The following PCDH15 variants were observed in gnomAD, a reference collection of about 807,000 sequenced individuals.
PCDH15 encodes the protein protocadherin related 15, also known as protocadherin-15.
PCDH15 carries 129 observed loss-of-function variants against 178.5 expected under a neutral mutation model. The observed-to-expected ratio is 0.72, with a 90% confidence interval of 0.63 to 0.84. The LOEUF (loss-of-function observed/expected upper bound fraction) is 0.84, where lower values mean the gene tolerates loss of function less well. Among genes scored for constraint, PCDH15 ranks in the 40% least tolerant of loss-of-function variants. The pLI is 0.00. For synonymous variants in PCDH15, 800 were observed against 732.0 expected, an observed-to-expected ratio of 1.09 and a Z score of -1.50; for missense variants, 2,230 against 2,099.9, an observed-to-expected ratio of 1.06 and a Z score of -1.21.
At chr10:53,953,014 T>C (rs1390403336) in intron 23 of PCDH15, among the ~76,000 whole-genome samples, 1 of 152,182 alleles carries the variant, frequency 6.6e-6, no homozygotes, top group East Asian at 1.9e-4. Flanking sequence ...AGCTGGGTGA[T>C]TGCACCTGCA....
chr10:54,480,760 G>C (rs577056575), intron 3 of PCDH15, among the ~76,000 whole-genome samples: 2 of 151,962 alleles, frequency 1.3e-5, no homozygotes, highest in Non-Finnish European at 2.9e-5. Flanking sequence ...TCTGGGGCAA[G>C]TGATTGTCAA....
At chr10:54,392,898 C>CA (rs35154394) in intron 3 of PCDH15, among the ~76,000 whole-genome samples, 1,763 of 71,986 alleles carry the variant, frequency 0.024, 19 homozygotes, top group Non-Finnish European at 0.038. Context: ...GACTCAGGCT[C>CA]AAAAAAAAAA....
At chr10:53,869,014 C>T (rs1489091203) in intron 26 of PCDH15, among the ~76,000 whole-genome samples, 1 of 152,012 alleles carries the variant, frequency 6.6e-6, no homozygotes, top group Admixed American at 6.6e-5. Context: ...CGCTATGTTG[C>T]CTGGGCTGGT....
At chr10:54,566,589 C>A (rs1930175) in intron 2 of PCDH15, among the ~76,000 whole-genome samples, 142,357 of 152,174 alleles carry the variant, frequency 0.94, 66,991 homozygotes, top group South Asian at 0.99. Context: ...GAAATCATAG[C>A]GTATACAGCC....
chr10:54,512,640 T>A (rs932711641), intron 3 of PCDH15, among the ~76,000 whole-genome samples: 1 of 151,876 alleles, frequency 6.6e-6, no homozygotes, highest in Admixed American at 6.6e-5. Context: ...TGATGTTTGT[T>A]AAATCATTTG....
At chr10:53,895,322 A>G (rs535073841) in intron 26 of PCDH15, among the ~76,000 whole-genome samples, 1 of 152,184 alleles carries the variant, frequency 6.6e-6, no homozygotes, top group East Asian at 1.9e-4. Context: ...TCTCATCACC[A>G]GTTTGTGCTT....
chr10:54,870,800 A>C (rs1954024135), intron 3 of PCDH15, among the ~76,000 whole-genome samples: 1 of 9,562 alleles, frequency 1.0e-4, no homozygotes, highest in African/African-American at 1.2e-4. Context: ...AAATAAAAAA[A>C]TAAAAAAATA....
At chr10:54,532,212 G>T (rs993572433) in intron 2 of PCDH15, among the ~76,000 whole-genome samples, 5 of 152,066 alleles carry the variant, frequency 3.3e-5, no homozygotes, top group African/African-American at 4.8e-5. Context: ...ATTTTTAAAA[G>T]AATTTACCAT....
chr10:54,263,127 C>G (rs533513064), intron 8 of PCDH15, among the ~76,000 whole-genome samples: 2 of 152,130 alleles, frequency 1.3e-5, no homozygotes, highest in African/African-American at 4.8e-5. Flanking sequence ...CAACTCATAC[C>G]TAAGTTGTGT....
intron 37 of PCDH15, chr10:53,808,124 AAT>A (rs2075724342): frequency 6.6e-6 from 1 of 152,156 alleles, no homozygotes; most frequent in African/African-American, 2.4e-5. Flanking sequence ...TTAATTGAAA[AAT>A]GTTATTTCAT....
Position 54,138,330 on chromosome 10 carries a change from G to A in PCDH15, c.1785-5323C>T, listed in dbSNP as rs535105994. ...TCCTCTCAATTTGAGAAATTCCTAAGGAATTTTTCTTTGTGGGTTGGTCAA... is the reference window on the plus strand; with the variant it reads ...TCCTCTCAATTTGAGAAATTCCTAAAGAATTTTTCTTTGTGGGTTGGTCAA... On this transcript the variant is annotated intron_variant, in intron 14 of 37. Coordinates refer to ENST00000644397, the MANE Select transcript of PCDH15 (RefSeq NM_001384140.1). Among the ~76,000 whole-genome samples the A allele has an allele frequency of 1.3e-3, 199 of 152,082 alleles. 1 individual carries two copies. The highest frequency in any genetic ancestry group is 2.1e-3 in the Non-Finnish European group (141 of 67,992).
At chr10:54,293,024 AAAG>A (rs2059520564) in intron 8 of PCDH15, among the ~76,000 whole-genome samples, 1 of 152,222 alleles carries the variant, frequency 6.6e-6, no homozygotes, top group South Asian at 2.1e-4. Context: ...CCTAAGCAAA[AAAG>A]AACAAAGCTG....
At chr10:53,974,093 C>T (rs2089989852) in intron 21 of PCDH15, among the ~76,000 whole-genome samples, 1 of 152,190 alleles carries the variant, frequency 6.6e-6, no homozygotes, top group Non-Finnish European at 1.5e-5. Context: ...TCTTGGCTCA[C>T]TGCAACCTCC....
chr10:54,697,758 C>A (rs186719732), intron 1 of PCDH15, among the ~76,000 whole-genome samples: 2 of 141,768 alleles, frequency 1.4e-5, no homozygotes, highest in African/African-American at 2.7e-5. Flanking sequence ...CAAGGAAGGC[C>A]GGCAGGAAGG....
intron 2 of PCDH15, among the ~76,000 whole-genome samples, chr10:54,932,577 C>T (rs1020584247): frequency 2.6e-5 from 4 of 152,084 alleles, no homozygotes; most frequent in African/African-American, 4.8e-5. Context: ...TGGTTTGAGA[C>T]GGAGTCTCAT....
chr10:55,430,150 G>C (rs61851132), intron 2 of PCDH15, among the ~76,000 whole-genome samples: 26,737 of 151,980 alleles, frequency 0.18, 2,414 homozygotes, highest in Middle Eastern at 0.2. Flanking sequence ...AGTTAGCCAG[G>C]CATGGTGGCA....
chr10:54,566,474 C>T (rs2089051523), intron 2 of PCDH15, among the ~76,000 whole-genome samples: 1 of 152,088 alleles, frequency 6.6e-6, no homozygotes, highest in Non-Finnish European at 1.5e-5. Context: ...ACCAAAAAAT[C>T]CTCTGTTCTC....
intron 1 of PCDH15, among the ~76,000 whole-genome samples, chr10:55,285,321 C>T (rs1466427049): frequency 6.6e-6 from 1 of 151,022 alleles, no homozygotes; most frequent in Non-Finnish European, 1.5e-5. Context: ...ATGAACCACA[C>T]ATAAAATCAA....
intron 5 of PCDH15, among the ~76,000 whole-genome samples, chr10:54,368,586 T>C (rs1947154236): frequency 6.6e-6 from 1 of 152,016 alleles, no homozygotes; most frequent in African/African-American, 2.4e-5. Flanking sequence ...CCTTAAAAAG[T>C]TACAATACTA....
Sources: gnomAD v4.1 joint callset for allele counts (sites outside exome capture counted in the v4.1 genomes callset) on GRCh38, gnomAD v4.1.1 for gene constraint, MANE v1.5 for transcripts, NCBI Gene and HGNC (gene_info 2026-07-23, HGNC 2026-07-21) for gene names.